Variants in HMBOX1 observed in about 807,000 individuals in gnomAD.
The protein encoded by HMBOX1 is homeobox containing 1.
A neutral mutation model predicts 54.5 loss-of-function variants in HMBOX1; 14 were observed. The observed-to-expected ratio is 0.26, with a 90% CI of 0.17 to 0.40. HMBOX1 has a LOEUF of 0.40. Ranked by LOEUF, HMBOX1 falls within the 10% of genes least tolerant of loss-of-function variation. HMBOX1 has a pLI of 1.00. For synonymous variants in HMBOX1, 160 were observed against 181.0 expected, an observed-to-expected ratio of 0.88 and a Z score of 0.93; for missense variants, 332 against 514.4, an observed-to-expected ratio of 0.65 and a Z score of 3.43.
chr8:28,947,731 A>G (rs989447334), intron 1 of HMBOX1, among the ~76,000 whole-genome samples: 4 of 152,136 alleles, frequency 2.6e-5, no homozygotes, highest in African/African-American at 9.7e-5. Flanking sequence ...TTTTAATAGA[A>G]ATTTTCTAAT....
intron 5 of HMBOX1, among the ~76,000 whole-genome samples, chr8:29,014,485 C>T (rs2132921115): frequency 6.6e-6 from 1 of 152,140 alleles, no homozygotes; most frequent in African/African-American, 2.4e-5. Flanking sequence ...CTAAGGTTTC[C>T]AGAACAAATC....
rs1827145939 is a variant in HMBOX1, at chr8:28,970,179, G to C, written c.160G>C (p.Asp54His). The change falls in exon 3 of 10, where the codon GAT becomes CAT. Residue 54 changes from aspartate (D) to histidine (H), a missense_variant. Transcript: ENST00000287701. The surrounding 1 kb of genome is among the most constrained non-coding windows in gnomAD (Gnocchi z 4.3). ...LHALETLDRLDQEHSDKFGRR... is the reference protein window; with the variant it reads ...LHALETLDRLHQEHSDKFGRR... ...TGCCTTGGAAACTTTGGACCGTCTT[G>C]ATCAAGAGCATAGTGACAAGTTTGG... is the stretch of plus-strand genomic sequence containing the variant. The C allele has an allele frequency of 6.2e-7, 1 of 1,614,014 alleles. No homozygotes were observed. The highest frequency in any genetic ancestry group is 1.3e-5 in the African/African-American group (1 of 74,900).
rs1827243995 is a variant in HMBOX1 at position 28,970,725 on chromosome 8, T to G, written c.500+206T>G. 2.1e-6 allele frequency: 1 copy of G among 465,136 alleles called. No individual in the cohort carries two copies. Among genetic ancestry groups the G allele is most frequent in the South Asian group, 4.3e-5 (1 of 23,510 alleles). 28.8% of individuals were successfully genotyped at this position (465,136 alleles called of 1,614,324 possible). A position where few individuals can be genotyped will look rare whatever the true frequency, so the allele number is the denominator to read the frequency against. Reference sequence around the variant, plus strand: ...TTAATTTAAATTTTCTCTTCTTTACTTCAGCCCTTTCTCTTTGCTGCTTGA... The same window carrying G: ...TTAATTTAAATTTTCTCTTCTTTACGTCAGCCCTTTCTCTTTGCTGCTTGA... On this transcript the variant is annotated intron_variant, in intron 3 of 9. Coordinates refer to ENST00000287701, the MANE Select transcript of HMBOX1 (RefSeq NM_001135726.3). The surrounding 1 kb of genome is among the most constrained non-coding windows in gnomAD (Gnocchi z 4.3).
intron 4 of HMBOX1, among the ~76,000 whole-genome samples, chr8:28,997,514 G>A (rs1487624380): frequency 1.3e-5 from 2 of 151,972 alleles, no homozygotes; most frequent in African/African-American, 4.8e-5. Flanking sequence ...GCATTTTGTT[G>A]AGGAGTTTTA....
rs763714992 is a variant in HMBOX1, at chr8:29,049,172, T to G, written c.1125+124T>G. ...GGAAACAGTCACTGTCCCTCCACTC[T>G]GCTCCTGTGTCTAGTTAGATTTCAT... On this transcript the variant is annotated intron_variant, in intron 9 of 9. Transcript: ENST00000287701. 4 of 1,489,008 alleles carry G rather than the reference T, an allele frequency of 2.7e-6. No homozygotes were observed. In the Admixed American group the frequency reaches 7.5e-5, roughly 28 times the overall value. 92.2% of individuals were successfully genotyped at this position (1,489,008 alleles called of 1,614,324 possible). A position where few individuals can be genotyped will look rare whatever the true frequency, so the allele number is the denominator to read the frequency against.
At chr8:28,925,272 C>CT (rs1818253915) in intron 1 of HMBOX1, among the ~76,000 whole-genome samples, 1 of 152,128 alleles carries the variant, frequency 6.6e-6, no homozygotes, top group Non-Finnish European at 1.5e-5. Context: ...GTACCAGTGA[C>CT]TAAGAACTTA....
chr8:28,918,483 G>A (rs548460375), intron 1 of HMBOX1, among the ~76,000 whole-genome samples: 15 of 152,300 alleles, frequency 9.8e-5, no homozygotes, highest in African/African-American at 2.2e-4. Flanking sequence ...GATTACAGGC[G>A]TGAGCCACCA....
At chr8:28,980,992 T>A (rs1308013353) in intron 4 of HMBOX1, among the ~76,000 whole-genome samples, 2 of 152,192 alleles carry the variant, frequency 1.3e-5, no homozygotes, top group African/African-American at 2.4e-5. Flanking sequence ...CTTTTTAGCC[T>A]CTGTGCCTCA....
intron 9 of HMBOX1, chr8:29,049,478 G>A (rs760663566): frequency 1.0e-4 from 149 of 1,464,596 alleles, no homozygotes; most frequent in Non-Finnish European, 1.3e-4. Context: ...ACGTACCGAC[G>A]CAGGGCACGA....
rs144336194 is a variant in HMBOX1 at position 29,015,305 on chromosome 8, T to C, written c.698-3455T>C. On this transcript the variant is annotated intron_variant, in intron 5 of 9. Transcript: ENST00000287701. ...TGCCGCAATTATGGATGTGGCCTACTACCTGGAATTCACTGACCTATTGCC... is the reference window on the plus strand; with the variant it reads ...TGCCGCAATTATGGATGTGGCCTACCACCTGGAATTCACTGACCTATTGCC... 2.2e-3 allele frequency among the ~76,000 whole-genome samples: 340 copies of C among 152,324 alleles called. 1 individual carries two copies. Among genetic ancestry groups the C allele is most frequent in the African/African-American group, 7.8e-3 (325 of 41,574 alleles).
intron 6 of HMBOX1, among the ~76,000 whole-genome samples, chr8:29,034,534 A>G (rs1031559838): frequency 2.0e-5 from 3 of 152,178 alleles, no homozygotes; most frequent in African/African-American, 7.2e-5. Context: ...TTTTTGGTCA[A>G]ATGTTATCAG....
chr8:29,029,753 T>G (rs1169194777), intron 6 of HMBOX1, among the ~76,000 whole-genome samples: 1 of 152,244 alleles, frequency 6.6e-6, no homozygotes. Context: ...TTCTACTCAT[T>G]GAACTTCTCA....
intron 1 of HMBOX1, among the ~76,000 whole-genome samples, chr8:28,914,926 A>G (rs181998266): frequency 6.6e-6 from 1 of 152,360 alleles, no homozygotes; most frequent in Non-Finnish European, 1.5e-5. Flanking sequence ...TATTTCTTCA[A>G]AGGTGGCTAT....
intron 1 of HMBOX1, among the ~76,000 whole-genome samples, chr8:28,913,129 A>G (rs946838670): frequency 3.9e-5 from 6 of 152,102 alleles, no homozygotes; most frequent in Admixed American, 3.9e-4. Flanking sequence ...TGGTTACTGT[A>G]AAATCTCCTA....
chr8:29,019,366 C>T (rs1221847631), intron 6 of HMBOX1, among the ~76,000 whole-genome samples: 1 of 151,628 alleles, frequency 6.6e-6, no homozygotes, highest in Non-Finnish European at 1.5e-5. Context: ...GTAATTTATC[C>T]TCTCATTCTG....
At chr8:29,035,717 C>T (rs1165938439) in intron 6 of HMBOX1, among the ~76,000 whole-genome samples, 1 of 152,218 alleles carries the variant, frequency 6.6e-6, no homozygotes, top group East Asian at 1.9e-4. Flanking sequence ...ACACTGCCCT[C>T]TTGTGCATGT....
chr8:29,039,800 G>A (rs1239692362), intron 6 of HMBOX1, among the ~76,000 whole-genome samples: 2 of 152,136 alleles, frequency 1.3e-5, no homozygotes, highest in African/African-American at 2.4e-5. Flanking sequence ...ATAATGTAGT[G>A]TGGTCCTAGG....
At chr8:29,030,528 C>G (rs527883212) in intron 6 of HMBOX1, among the ~76,000 whole-genome samples, 1 of 152,280 alleles carries the variant, frequency 6.6e-6, no homozygotes, top group Admixed American at 6.5e-5. Context: ...CGGTCAATAA[C>G]CTATTTTTAA....
chr8:28,988,698 T>C (rs1830502857), intron 4 of HMBOX1, among the ~76,000 whole-genome samples: 1 of 152,228 alleles, frequency 6.6e-6, no homozygotes, highest in Admixed American at 6.5e-5. Flanking sequence ...TGAGCATCTT[T>C]TTATATGATC....
Sources: gnomAD v4.1 joint callset for allele counts (sites outside exome capture counted in the v4.1 genomes callset) on GRCh38, gnomAD v4.1.1 for gene constraint, Gnocchi (gnomAD v3.1) non-coding constraint, MANE v1.5 for transcripts, NCBI Gene and HGNC (gene_info 2026-07-23, HGNC 2026-07-21) for gene names.